The following CRACDL variants were observed in gnomAD, a reference collection of about 807,000 sequenced individuals.
CRACDL encodes CRACD-like protein.
Under a neutral mutation model 70.6 loss-of-function variants are expected in CRACDL, and 26 were observed. The ratio of observed to expected loss-of-function variants is 0.37; its 90% CI spans 0.27 to 0.51. The LOEUF (loss-of-function observed/expected upper bound fraction) is 0.51. Among genes scored for constraint, CRACDL ranks in the 20% least tolerant of loss-of-function variants. The probability of loss-of-function intolerance (pLI) is 0.94; values close to 1 mark genes in which losing one functional copy is unlikely to be tolerated. For missense variants in CRACDL, 1,283 were observed against 1,376.9 expected (o/e 0.93, Z 1.08); for synonymous variants, 618 against 615.2 (o/e 1.00, Z -0.07).
At chr2:98,817,280 C>T (rs1169310716) in intron 7 of CRACDL, among the ~76,000 whole-genome samples, 1 of 152,072 alleles carries the variant, frequency 6.6e-6, no homozygotes, top group Non-Finnish European at 1.5e-5. Flanking sequence ...TAGAGATCTG[C>T]TCTATAACAC....
intron 7 of CRACDL, among the ~76,000 whole-genome samples, chr2:98,820,193 T>C (rs919213896): frequency 6.6e-6 from 1 of 152,026 alleles, no homozygotes; most frequent in Non-Finnish European, 1.5e-5. Flanking sequence ...ACACAACTTA[T>C]TTGTGTAGTT....
At chr2:98,796,592 G>A (rs566871573) in intron 8 of CRACDL, among the ~76,000 whole-genome samples, 54 of 152,358 alleles carry the variant, frequency 3.5e-4, no homozygotes, top group Middle Eastern at 3.4e-3. Flanking sequence ...AGTTGGAATA[G>A]TTATAGATGT....
chr2:98,824,172 T>A lies in CRACDL; in HGVS notation c.736-635A>T, dbSNP rs913825684. Among the ~76,000 whole-genome samples the A allele has an allele frequency of 6.8e-4, 103 of 152,286 alleles. 1 individual carries two copies. The highest frequency in any genetic ancestry group is 2.4e-3 in the African/African-American group (100 of 41,536). Reference sequence around the variant, plus strand: ...CCAAAATTTTCAGCTAAATTTAAAGTCCTAGATTCTCTGGTCTTAAGCCGT... The same window carrying A: ...CCAAAATTTTCAGCTAAATTTAAAGACCTAGATTCTCTGGTCTTAAGCCGT... On this transcript the variant is annotated intron_variant, in intron 6 of 9. Transcript: ENST00000397899.
At chr2:98,811,466 T>A (rs867759420) in intron 7 of CRACDL, among the ~76,000 whole-genome samples, 68 of 135,906 alleles carry the variant, frequency 5.0e-4, no homozygotes, top group Middle Eastern at 4.2e-3. Flanking sequence ...GCCAAGATCA[T>A]GCCACTGCAC....
Position 98,821,954 on chromosome 2 carries a change from G to C in CRACDL, c.2319C>G (p.Leu773=). 3 of 1,550,246 alleles carry C rather than the reference G, an allele frequency of 1.9e-6. No homozygotes were observed. The highest frequency in any genetic ancestry group is 2.6e-6 in the Non-Finnish European group (3 of 1,150,308). ...PRKPLLQSFT[L]PHQPAPPDAG... is the part of the protein sequence containing the mutation. ...CGTCGGGGGGCGCGGGCTGGTGCGG[G>C]AGCGTGAAGCTCTGCAGAAGCGGCT... Residue 773 remains leucine, a synonymous_variant, in exon 7 of 10, where the codon CTC becomes CTG. Coordinates refer to ENST00000397899, the MANE Select transcript of CRACDL (RefSeq NM_207362.3).
At chr2:98,834,135 T>C (rs1030259218) in intron 3 of CRACDL, among the ~76,000 whole-genome samples, 1 of 151,770 alleles carries the variant, frequency 6.6e-6, no homozygotes, top group Non-Finnish European at 1.5e-5. Context: ...TGGATATCCC[T>C]CCCCCAGTGG....
At chr2:98,934,529 A>C (rs1409892902) in intron 1 of CRACDL, among the ~76,000 whole-genome samples, 1 of 152,190 alleles carries the variant, frequency 6.6e-6, no homozygotes, top group African/African-American at 2.4e-5. Flanking sequence ...AGGGCCAAGC[A>C]GAGCAGTGAT....
chr2:98,900,733 A>G (rs1708257067), intron 1 of CRACDL, among the ~76,000 whole-genome samples: 1 of 152,108 alleles, frequency 6.6e-6, no homozygotes, highest in Non-Finnish European at 1.5e-5. Flanking sequence ...CAGGCCTCTC[A>G]AGAACACTCA....
At chr2:98,838,995 A>T (rs1705910267) in intron 2 of CRACDL, among the ~76,000 whole-genome samples, 2 of 152,220 alleles carry the variant, frequency 1.3e-5, no homozygotes, top group Non-Finnish European at 2.9e-5. Flanking sequence ...ATGATTTCAC[A>T]TTAGTTGCTC....
chr2:98,842,972 T>A (rs553495307), intron 2 of CRACDL, among the ~76,000 whole-genome samples: 1 of 152,118 alleles, frequency 6.6e-6, no homozygotes, highest in South Asian at 2.1e-4. Context: ...GCTAAGTGTA[T>A]GTTTAACTTC....
At chr2:98,911,352 G>A (rs532485114) in intron 1 of CRACDL, among the ~76,000 whole-genome samples, 7 of 152,284 alleles carry the variant, frequency 4.6e-5, no homozygotes, top group African/African-American at 1.4e-4. Flanking sequence ...GGCTGGTACC[G>A]GCAGAGGGAT....
At chr2:98,815,538 A>C (rs1704747756) in intron 7 of CRACDL, among the ~76,000 whole-genome samples, 1 of 152,208 alleles carries the variant, frequency 6.6e-6, no homozygotes, top group Admixed American at 6.5e-5. Flanking sequence ...AGGAGCCTGC[A>C]GGACCCCCAA....
chr2:98,875,063 A>G (rs535690416), intron 1 of CRACDL, among the ~76,000 whole-genome samples: 1 of 152,312 alleles, frequency 6.6e-6, no homozygotes, highest in East Asian at 1.9e-4. Context: ...CAGTCTGCAT[A>G]ATAAGCATCT....
chr2:98,854,205 C>T (rs1167383661), intron 1 of CRACDL, among the ~76,000 whole-genome samples: 9 of 142,408 alleles, frequency 6.3e-5, no homozygotes, highest in Admixed American at 4.5e-4. Context: ...TGCGTGAACC[C>T]GGGAGGCAGA....
chr2:98,835,854 C>G (rs1705754903), intron 3 of CRACDL, among the ~76,000 whole-genome samples: 1 of 152,154 alleles, frequency 6.6e-6, no homozygotes, highest in African/African-American at 2.4e-5. Flanking sequence ...CAGATCATCA[C>G]CAGGTGTTAA....
intron 1 of CRACDL, among the ~76,000 whole-genome samples, chr2:98,882,125 G>A (rs1056555498): frequency 1.3e-5 from 2 of 152,184 alleles, no homozygotes; most frequent in African/African-American, 4.8e-5. Context: ...AGAATGGAGG[G>A]ACTGCAGCCT....
At chr2:98,897,146 G>A (rs1037937408) in intron 1 of CRACDL, among the ~76,000 whole-genome samples, 4 of 152,028 alleles carry the variant, frequency 2.6e-5, no homozygotes, top group Admixed American at 1.3e-4. Flanking sequence ...GGCAACCACT[G>A]ATTTGTTCTC....
At position 98,836,643 on chromosome 2, in the gene CRACDL, G is replaced by C. The variant is rs551773495; in HGVS notation, c.239+1476C>G. On this transcript the variant is annotated intron_variant, in intron 3 of 9. Coordinates refer to ENST00000397899, the MANE Select transcript of CRACDL (RefSeq NM_207362.3). ...TCCCAGGCCTGTCTCTCCAACACCA[G>C]AACTGTGTGCTCCAGTCAAGAGACA... Among the ~76,000 whole-genome samples the C allele has an allele frequency of 4.6e-5, 7 of 152,262 alleles. No individual in the cohort carries two copies. The South Asian group carries it at 1.5e-3, about 32-fold the overall frequency.
intron 1 of CRACDL, among the ~76,000 whole-genome samples, chr2:98,877,442 T>C (rs1212275137): frequency 6.6e-6 from 1 of 152,212 alleles, no homozygotes; most frequent in Admixed American, 6.5e-5. Flanking sequence ...TGTAACATCA[T>C]AGTGCAATTA....
Sources: allele counts gnomAD v4.1 joint callset (sites outside exome capture counted in the v4.1 genomes callset), GRCh38; gene constraint gnomAD v4.1.1; transcripts MANE v1.5; gene names NCBI Gene and HGNC (gene_info 2026-07-23, HGNC 2026-07-21).